The following RNF38 variants were observed in gnomAD, a reference collection of about 807,000 sequenced individuals.
The protein encoded by RNF38 is E3 ubiquitin-protein ligase RNF38.
A neutral mutation model predicts 67.2 loss-of-function variants in RNF38; 15 were observed. The observed-to-expected ratio is 0.22, with a 90% CI of 0.15 to 0.34. RNF38 has a LOEUF of 0.34. Among genes scored for constraint, RNF38 ranks in the 10% least tolerant of loss-of-function variants. RNF38 has a pLI of 1.00. For synonymous variants in RNF38, 220 were observed against 218.8 expected (o/e 1.01, Z -0.05); for missense variants, 524 against 639.9 (o/e 0.82, Z 1.95).
intron 1 of RNF38, among the ~76,000 whole-genome samples, chr9:36,473,434 A>G (rs1840043637): frequency 6.6e-6 from 1 of 151,836 alleles, no homozygotes; most frequent in South Asian, 2.1e-4. Flanking sequence ...CTAAAATACA[A>G]AAAATTAGCC....
At chr9:36,430,735 C>T (rs576496258) in intron 1 of RNF38, among the ~76,000 whole-genome samples, 39 of 151,926 alleles carry the variant, frequency 2.6e-4, no homozygotes, top group African/African-American at 8.7e-4. Flanking sequence ...GGACTTCGGG[C>T]GGCGGGGGTG....
intron 1 of RNF38, among the ~76,000 whole-genome samples, chr9:36,447,700 A>G (rs1281171914): frequency 1.3e-5 from 2 of 152,202 alleles, no homozygotes; most frequent in Non-Finnish European, 2.9e-5. Flanking sequence ...ATTCAAAATA[A>G]CAACTGAGTA....
chr9:36,371,339 T>C (rs1195151876), intron 3 of RNF38, among the ~76,000 whole-genome samples: 1 of 152,192 alleles, frequency 6.6e-6, no homozygotes, highest in Non-Finnish European at 1.5e-5. Context: ...ATTAATTGTT[T>C]CTTCTAACTT....
intron 1 of RNF38, 88 bp from the exon 2 acceptor site, chr9:36,390,704 AG>A: frequency 7.4e-7 from 1 of 1,343,498 alleles, no homozygotes; most frequent in Non-Finnish European, 1.0e-6. Flanking sequence ...TGGATTTTCT[AG>A]GTATTTGATG....
chr9:36,414,662 G>A (rs1189187306), intron 2 of RNF38, among the ~76,000 whole-genome samples: 1 of 150,134 alleles, frequency 6.7e-6, no homozygotes, highest in East Asian at 1.9e-4. Context: ...CTCCAGCCTG[G>A]GCAACGAGAG....
chr9:36,356,747 TG>T (rs994212293), intron 5 of RNF38, among the ~76,000 whole-genome samples: 30 of 29,480 alleles, frequency 1.0e-3, no homozygotes, highest in East Asian at 3.4e-3. Flanking sequence ...GGGGCGGGTG[TG>T]GGGGGGGCGG....
chr9:36,476,069 T>C (rs1312000932), intron 1 of RNF38, among the ~76,000 whole-genome samples: 7 of 150,266 alleles, frequency 4.7e-5, no homozygotes, highest in Non-Finnish European at 1.0e-4. Flanking sequence ...ACCTAGATAA[T>C]AGTTTACAAT....
chr9:36,353,219 A>C lies in RNF38; in HGVS notation c.1022T>G (p.Leu341Trp). The change falls in exon 7 of 12, where the codon TTG becomes TGG. Residue 341 changes from leucine to tryptophan, a missense_variant. Transcript: ENST00000259605. ...CAAAGGATCATGTGTTAAGAACTGC[A>C]AGGGAGCTGATGGAGGTAATGTTGG... ...HPPTLPPSAP[L>W]QFLTHDPLHQ... 6.2e-7 allele frequency: 1 copy of C among 1,614,050 alleles called. No homozygotes were observed. Among genetic ancestry groups the C allele is most frequent in the Non-Finnish European group, 8.5e-7 (1 of 1,179,968 alleles).
chr9:36,362,219 G>A (rs764459966), intron 4 of RNF38, among the ~76,000 whole-genome samples: 8 of 151,806 alleles, frequency 5.3e-5, no homozygotes, highest in African/African-American at 9.7e-5. Flanking sequence ...TTAGCTGGGC[G>A]TGGTGGTGGG....
chr9:36,362,517 G>A (rs182583791), intron 4 of RNF38, among the ~76,000 whole-genome samples: 1 of 149,122 alleles, frequency 6.7e-6, no homozygotes, highest in African/African-American at 2.5e-5. Flanking sequence ...TAACCATCAC[G>A]TAGGTCAATA....
At chr9:36,411,014 T>G (rs1838309817) in intron 2 of RNF38, among the ~76,000 whole-genome samples, 1 of 152,186 alleles carries the variant, frequency 6.6e-6, no homozygotes, top group East Asian at 1.9e-4. Flanking sequence ...AACTGTACAT[T>G]TAAATGGTTA....
intron 2 of RNF38, among the ~76,000 whole-genome samples, chr9:36,408,258 C>A (rs1388036290): frequency 6.7e-6 from 1 of 148,216 alleles, no homozygotes; most frequent in Admixed American, 6.8e-5. Flanking sequence ...ACCACCACAA[C>A]AGACTTAATT....
At chr9:36,371,747 T>C (rs1282423910) in intron 3 of RNF38, among the ~76,000 whole-genome samples, 1 of 152,074 alleles carries the variant, frequency 6.6e-6, no homozygotes, top group Admixed American at 6.6e-5. Flanking sequence ...CCACTGCACC[T>C]GGCCTACATT....
chr9:36,425,087 T>A (rs1249357833), intron 1 of RNF38, among the ~76,000 whole-genome samples: 1 of 152,226 alleles, frequency 6.6e-6, no homozygotes, highest in Non-Finnish European at 1.5e-5. Flanking sequence ...CTATAAATTC[T>A]AAACATATAA....
At chr9:36,379,630 A>G (rs1245136645) in intron 2 of RNF38, among the ~76,000 whole-genome samples, 1 of 152,216 alleles carries the variant, frequency 6.6e-6, no homozygotes, top group African/African-American at 2.4e-5. Context: ...ATTACACAAT[A>G]TCCAATAAAT....
chr9:36,344,216 T>C (rs985635691), intron 10 of RNF38, among the ~76,000 whole-genome samples: 2 of 152,120 alleles, frequency 1.3e-5, no homozygotes, highest in African/African-American at 2.4e-5. Flanking sequence ...GGTTTTGCCA[T>C]GTTGGCCAGG....
At chr9:36,447,780 G>A (rs1010065474) in intron 1 of RNF38, among the ~76,000 whole-genome samples, 1 of 152,184 alleles carries the variant, frequency 6.6e-6, no homozygotes, top group Non-Finnish European at 1.5e-5. Flanking sequence ...AATGACCTTA[G>A]GGTCCAGACC....
At chr9:36,478,649 C>T (rs1216828095) in intron 1 of RNF38, among the ~76,000 whole-genome samples, 4 of 151,212 alleles carry the variant, frequency 2.6e-5, no homozygotes, top group Admixed American at 6.6e-5. Flanking sequence ...GAAACCCCGT[C>T]GCTACTAAAA....
chr9:36,428,026 A>G (rs571265011), intron 1 of RNF38, among the ~76,000 whole-genome samples: 6 of 151,610 alleles, frequency 4.0e-5, no homozygotes, highest in Non-Finnish European at 8.8e-5. Flanking sequence ...CTCAGCTCCT[A>G]AAACTGTGAG....
Sources: gnomAD v4.1 joint callset for allele counts (sites outside exome capture counted in the v4.1 genomes callset) on GRCh38, gnomAD v4.1.1 for gene constraint, MANE v1.5 for transcripts, NCBI Gene and HGNC (gene_info 2026-07-23, HGNC 2026-07-21) for gene names.